Variants in NELL2 observed in about 807,000 individuals in gnomAD.
The protein encoded by NELL2 is neural EGFL like 2.
A neutral mutation model predicts 109.6 loss-of-function variants in NELL2; 41 were observed. The ratio of observed to expected loss-of-function variants is 0.37; its 90% CI spans 0.29 to 0.49. The LOEUF (loss-of-function observed/expected upper bound fraction) is 0.49, where lower values mean the gene tolerates loss of function less well. Ranked by LOEUF, NELL2 falls within the 20% of genes least tolerant of loss-of-function variation. NELL2 has a pLI of 0.98. For synonymous variants in NELL2, 355 were observed against 344.7 expected (o/e 1.03, Z -0.33); for missense variants, 900 against 1,008.3 (o/e 0.89, Z 1.45).
intron 15 of NELL2, among the ~76,000 whole-genome samples, chr12:44,566,804 C>T (rs191672062): frequency 1.4e-4 from 22 of 152,002 alleles, no homozygotes; most frequent in African/African-American, 5.3e-4. Flanking sequence ...TTATGAAGTA[C>T]TCTATTTACT....
At chr12:44,705,700 A>G (rs1205423356) in intron 11 of NELL2, among the ~76,000 whole-genome samples, 2 of 152,202 alleles carry the variant, frequency 1.3e-5, no homozygotes, top group African/African-American at 2.4e-5. Flanking sequence ...AAAGGCTTCA[A>G]AAACCACTTT....
At chr12:44,799,371 A>G (rs751990383) in intron 3 of NELL2, among the ~76,000 whole-genome samples, 1 of 152,118 alleles carries the variant, frequency 6.6e-6, no homozygotes, top group African/African-American at 2.4e-5. Flanking sequence ...TTATACTCCA[A>G]TCTTGATGGC....
At chr12:44,573,079 C>T (rs977132967) in intron 15 of NELL2, among the ~76,000 whole-genome samples, 1 of 152,170 alleles carries the variant, frequency 6.6e-6, no homozygotes, top group Non-Finnish European at 1.5e-5. Context: ...ATGGATTGAG[C>T]TCTCACACCA....
chr12:44,845,797 T>A (rs1944351642), intron 2 of NELL2, among the ~76,000 whole-genome samples: 1 of 152,204 alleles, frequency 6.6e-6, no homozygotes, highest in Non-Finnish European at 1.5e-5. Context: ...TTATTATATC[T>A]ACTCTCAGGT....
chr12:44,527,192 TA>T (rs1330173340), intron 16 of NELL2, among the ~76,000 whole-genome samples: 1 of 152,210 alleles, frequency 6.6e-6, no homozygotes, highest in Non-Finnish European at 1.5e-5. Context: ...ACAGAATATT[TA>T]AAATACTATC....
chr12:44,598,019 AC>A (rs1454282571), intron 15 of NELL2, among the ~76,000 whole-genome samples: 3 of 152,062 alleles, frequency 2.0e-5, no homozygotes, highest in African/African-American at 7.2e-5. Flanking sequence ...CATATAAGCT[AC>A]CCTCTCAAAA....
At chr12:44,559,956 T>C (rs982366671) in intron 15 of NELL2, among the ~76,000 whole-genome samples, 1 of 151,710 alleles carries the variant, frequency 6.6e-6, no homozygotes, top group South Asian at 2.1e-4. Flanking sequence ...ATGCAAAAAA[T>C]TGGAAATAAT....
chr12:44,630,529 C>T (rs747869192), intron 13 of NELL2, among the ~76,000 whole-genome samples: 2 of 152,078 alleles, frequency 1.3e-5, no homozygotes, highest in African/African-American at 4.8e-5. Context: ...CAGATCAACC[C>T]CAGCCACATG....
upstream of NELL2, among the ~76,000 whole-genome samples, chr12:44,917,596 C>A (rs575554519): frequency 1.3e-5 from 2 of 152,270 alleles, no homozygotes; most frequent in African/African-American, 4.8e-5. Context: ...TATGTGAGGC[C>A]TGTGACTTGC....
chr12:44,901,269 T>C (rs1301494098), intron 1 of NELL2, among the ~76,000 whole-genome samples: 1 of 151,794 alleles, frequency 6.6e-6, no homozygotes, highest in Non-Finnish European at 1.5e-5. Flanking sequence ...ATACTATAAA[T>C]ACATCTACAC....
chr12:44,509,583 T>G (rs1940893090), intron 19 of NELL2, among the ~76,000 whole-genome samples: 1 of 152,150 alleles, frequency 6.6e-6, no homozygotes, highest in South Asian at 2.1e-4. Flanking sequence ...TCTCTCTATC[T>G]ACCATGTGAT....
At chr12:44,847,456 C>T (rs199956947) in intron 2 of NELL2, among the ~76,000 whole-genome samples, 9 of 151,496 alleles carry the variant, frequency 5.9e-5, no homozygotes, top group East Asian at 5.8e-4. Flanking sequence ...TTATGTGTAA[C>T]AGGGATAATA....
rs1335852808 is a variant in NELL2 at position 44,864,444 on chromosome 12, C to G, written c.184+10781G>C. Among the ~76,000 whole-genome samples the G allele has an allele frequency of 4.6e-5, 7 of 151,990 alleles. No homozygotes were observed. The South Asian group carries it at 1.2e-3, about 27-fold the overall frequency. ...CTATACTTACATCAAATAAAGTAGA[C>G]TTTAAGTCAAAAACTGTAAAATCAG... is the stretch of plus-strand genomic sequence containing the variant. On this transcript the variant is annotated intron_variant, in intron 2 of 19. Transcript: ENST00000429094.
chr12:44,746,161 G>C (rs1185800376), intron 9 of NELL2, among the ~76,000 whole-genome samples: 2 of 152,148 alleles, frequency 1.3e-5, no homozygotes, highest in Non-Finnish European at 2.9e-5. Flanking sequence ...ACAACTATCT[G>C]ATCTTTGACA....
At chr12:44,566,145 T>C (rs1186472650) in intron 15 of NELL2, among the ~76,000 whole-genome samples, 2 of 152,066 alleles carry the variant, frequency 1.3e-5, no homozygotes. Context: ...CAAAAGCTAG[T>C]TTGAATTACA....
intron 14 of NELL2, among the ~76,000 whole-genome samples, 195 bp from the exon 15 acceptor site, chr12:44,607,459 G>C (rs1945449379): frequency 6.6e-6 from 1 of 152,006 alleles, no homozygotes; most frequent in African/African-American, 2.4e-5. Flanking sequence ...TCTTTCCAAT[G>C]TTAAAGAAGT....
At chr12:44,614,430 T>C (rs1945744403) in intron 13 of NELL2, among the ~76,000 whole-genome samples, 1 of 152,192 alleles carries the variant, frequency 6.6e-6, no homozygotes, top group African/African-American at 2.4e-5. Context: ...TGTATAGTGA[T>C]AGTTAGAAAA....
At chr12:44,871,124 T>G (rs2703057) in intron 2 of NELL2, among the ~76,000 whole-genome samples, 8,831 of 152,226 alleles carry the variant, frequency 0.058, 509 homozygotes, top group East Asian at 0.18. Context: ...TCCCTTTGCC[T>G]ATCCCCATAG....
Position 44,683,595 on chromosome 12 carries a change from T to C in NELL2, c.1319-17986A>G, listed in dbSNP as rs1948605930. On this transcript the variant is annotated intron_variant, in intron 12 of 19. Coordinates refer to ENST00000429094, the MANE Select transcript of NELL2 (RefSeq NM_001145108.2). ...TCTTATTATTTTGAGATACGTCCCA[T>C]CAATACCTAATTTATTGAGAGTTTT... is the stretch of plus-strand genomic sequence containing the variant. Among the ~76,000 whole-genome samples the C allele has an allele frequency of 2.0e-5, 3 of 152,098 alleles. No individual in the cohort carries two copies. In the South Asian group the frequency reaches 6.2e-4, roughly 32 times the overall value.
Sources: allele counts gnomAD v4.1 joint callset (sites outside exome capture counted in the v4.1 genomes callset), GRCh38; gene constraint gnomAD v4.1.1; transcripts MANE v1.5; gene names NCBI Gene and HGNC (gene_info 2026-07-23, HGNC 2026-07-21).